The following SYT16 variants were observed in gnomAD, a reference collection of about 807,000 sequenced individuals.
SYT16 encodes the protein synaptotagmin 16.
A neutral mutation model predicts 61.4 loss-of-function variants in SYT16; 42 were observed. The observed-to-expected ratio is 0.68, with a 90% CI of 0.53 to 0.89. SYT16 has a LOEUF of 0.89. SYT16 is among the 40% of genes least tolerant of loss of function. The pLI is 0.00. For missense variants in SYT16, 804 were observed against 807.3 expected, an observed-to-expected ratio of 1.00 and a Z score of 0.05; for synonymous variants, 314 against 302.3, an observed-to-expected ratio of 1.04 and a Z score of -0.40.
intron 7 of SYT16, among the ~76,000 whole-genome samples, chr14:62,099,849 G>C (rs999885998): frequency 6.6e-6 from 1 of 152,096 alleles, no homozygotes; most frequent in African/African-American, 2.4e-5. Context: ...CTGCACCCCA[G>C]CCTGGGCAAC....
chr14:61,861,371 C>A (rs2046957391), intron 1 of SYT16, among the ~76,000 whole-genome samples: 2 of 152,134 alleles, frequency 1.3e-5, no homozygotes, highest in South Asian at 4.1e-4. Context: ...GTGGTAGTAT[C>A]TGGATGGTTG....
intron 1 of SYT16, among the ~76,000 whole-genome samples, chr14:61,885,041 T>G (rs900839597): frequency 6.6e-6 from 1 of 152,248 alleles, no homozygotes; most frequent in Non-Finnish European, 1.5e-5. Context: ...ACTGATTTAT[T>G]TGACTGAGTC....
At chr14:61,966,310 A>G (rs1433152534) in intron 1 of SYT16, among the ~76,000 whole-genome samples, 2 of 152,154 alleles carry the variant, frequency 1.3e-5, no homozygotes, top group Admixed American at 1.3e-4. Flanking sequence ...CATATGAAAT[A>G]GTATATCAAT....
At chr14:61,909,586 A>G (rs1376534067) in intron 1 of SYT16, among the ~76,000 whole-genome samples, 1 of 152,162 alleles carries the variant, frequency 6.6e-6, no homozygotes, top group African/African-American at 2.4e-5. Flanking sequence ...ACTCATTGGG[A>G]CAATGTTATC....
chr14:61,826,351 T>C (rs1268567329), intron 1 of SYT16, among the ~76,000 whole-genome samples: 1 of 152,086 alleles, frequency 6.6e-6, no homozygotes, highest in African/African-American at 2.4e-5. Context: ...ACACAGACAG[T>C]GGCTCTGGTG....
At chr14:62,002,061 G>C (rs2053040193) in intron 3 of SYT16, among the ~76,000 whole-genome samples, 1 of 151,902 alleles carries the variant, frequency 6.6e-6, no homozygotes, top group Non-Finnish European at 1.5e-5. Context: ...AGTCATATTT[G>C]AGTTTGGCTG....
intron 3 of SYT16, among the ~76,000 whole-genome samples, chr14:62,048,455 G>T (rs2140878222): frequency 6.6e-6 from 1 of 152,130 alleles, no homozygotes; most frequent in East Asian, 1.9e-4. Flanking sequence ...TTTTTGAAGG[G>T]TTTTTTGTGT....
At chr14:61,860,839 A>C (rs2046940533) in intron 1 of SYT16, among the ~76,000 whole-genome samples, 1 of 152,094 alleles carries the variant, frequency 6.6e-6, no homozygotes, top group African/African-American at 2.4e-5. Context: ...GCAGTGTTGG[A>C]TTTTACCAGG....
rs895013758 is a variant in SYT16, at chr14:62,103,196, T to C, written c.*2489T>C. ...TGTGCACTTAAACTCCCTTATTTTC[T>C]TGGCAAAGTCTAGACACAAATGCAT... On this transcript the variant is annotated 3_prime_UTR_variant, in exon 8 of 8. Transcript: ENST00000683842. 6.6e-6 allele frequency: 1 copy of C among 152,244 alleles called. No individual in the cohort carries two copies. The highest frequency in any genetic ancestry group is 2.4e-5 in the African/African-American group (1 of 41,462). 9.4% of individuals were successfully genotyped at this position (152,244 alleles called of 1,614,324 possible). A position where few individuals can be genotyped will look rare whatever the true frequency, so the allele number is the denominator to read the frequency against.
chr14:62,040,151 C>T (rs1242324914), intron 3 of SYT16, among the ~76,000 whole-genome samples: 2 of 152,044 alleles, frequency 1.3e-5, no homozygotes, highest in Non-Finnish European at 2.9e-5. Flanking sequence ...GAAGCTTGCT[C>T]ATAATATTTC....
At chr14:62,073,244 C>T (rs916966028) in intron 4 of SYT16, among the ~76,000 whole-genome samples, 2 of 152,044 alleles carry the variant, frequency 1.3e-5, no homozygotes, top group Non-Finnish European at 2.9e-5. Flanking sequence ...GGTATTATCA[C>T]CGTAGGAGTT....
At chr14:61,822,870 C>A (rs2045658238) in intron 1 of SYT16, among the ~76,000 whole-genome samples, 1 of 152,118 alleles carries the variant, frequency 6.6e-6, no homozygotes. Context: ...GAGAATTATA[C>A]CAAAGAACAA....
rs560494305 is a variant in SYT16, at chr14:62,110,098, T to G, written c.*9391T>G. 1 of 152,176 alleles carries G rather than the reference T, an allele frequency of 6.6e-6. No homozygotes were observed. Among genetic ancestry groups the G allele is most frequent in the East Asian group, 1.9e-4 (1 of 5,198 alleles). 9.4% of individuals were successfully genotyped at this position (152,176 alleles called of 1,614,324 possible). ...TATTTATATGTCTTCTGACTGCCCT[T>G]TGCTTTGTAGCTACAGCAACTTGCA... On this transcript the variant is annotated 3_prime_UTR_variant, in exon 8 of 8. Coordinates refer to ENST00000683842, the MANE Select transcript of SYT16 (RefSeq NM_001367656.1).
intron 1 of SYT16, among the ~76,000 whole-genome samples, chr14:61,931,382 C>T (rs1334386872): frequency 1.3e-5 from 2 of 151,762 alleles, no homozygotes; most frequent in South Asian, 2.1e-4. Flanking sequence ...TAAAAATATT[C>T]GCTTGTTTTT....
In SYT16 at chr14:62,100,932, T is replaced by G; in HGVS notation, c.*225T>G. The G allele has an allele frequency of 2.0e-6, 1 of 502,822 alleles. No homozygotes were observed. Among genetic ancestry groups the G allele is most frequent in the Non-Finnish European group, 3.5e-6 (1 of 283,770 alleles). 31.1% of individuals were successfully genotyped at this position (502,822 alleles called of 1,614,324 possible). ...AGTGAAGTGTCCGTATGGAAAATAT[T>G]ATACCACAATTAAGACCACTGATGA... On this transcript the variant is annotated 3_prime_UTR_variant, in exon 8 of 8. Coordinates refer to ENST00000683842, the MANE Select transcript of SYT16 (RefSeq NM_001367656.1).
chr14:61,989,269 T>C (rs1312200193), intron 2 of SYT16, among the ~76,000 whole-genome samples: 1 of 152,172 alleles, frequency 6.6e-6, no homozygotes, highest in Non-Finnish European at 1.5e-5. Flanking sequence ...CTGTTAATAC[T>C]GGGCTCTGTT....
At chr14:61,878,342 G>A (rs1473033645) in intron 1 of SYT16, among the ~76,000 whole-genome samples, 1 of 152,156 alleles carries the variant, frequency 6.6e-6, no homozygotes, top group Non-Finnish European at 1.5e-5. Context: ...CCATTTGTGG[G>A]AATACCAGGT....
In SYT16 at chr14:61,839,892, G is replaced by C. The variant is rs139164333; in HGVS notation, c.-325+27082G>C. ...ATCTGGGAACATTGTGGAGGGGAAAGGGGGAGGGAGGAGGGAAAGAGGAGG... is the reference window on the plus strand; with the variant it reads ...ATCTGGGAACATTGTGGAGGGGAAACGGGGAGGGAGGAGGGAAAGAGGAGG... On this transcript the variant is annotated intron_variant, in intron 1 of 7. Coordinates refer to ENST00000683842, the MANE Select transcript of SYT16 (RefSeq NM_001367656.1). Among the ~76,000 whole-genome samples the C allele has an allele frequency of 3.4e-3, 517 of 151,856 alleles. 1 individual carries two copies. The Middle Eastern group carries it at 0.038, about 11-fold the overall frequency.
At chr14:62,035,319 A>T (rs2054465661) in intron 3 of SYT16, among the ~76,000 whole-genome samples, 1 of 152,174 alleles carries the variant, frequency 6.6e-6, no homozygotes, top group Non-Finnish European at 1.5e-5. Context: ...AATTCTTTCT[A>T]TTTGTGCTGT....
Sources: gnomAD v4.1 joint callset for allele counts (sites outside exome capture counted in the v4.1 genomes callset) on GRCh38, gnomAD v4.1.1 for gene constraint, MANE v1.5 for transcripts, NCBI Gene and HGNC (gene_info 2026-07-23, HGNC 2026-07-21) for gene names.